ZBTB42: variants seen among roughly 807,000 people sequenced by gnomAD.
ZBTB42 encodes zinc finger and BTB domain-containing protein 42.
Under a neutral mutation model 4.7 loss-of-function variants are expected in ZBTB42, and 3 were observed. The observed-to-expected ratio is 0.64, with a 90% CI of 0.29 to 1.66. The LOEUF is 1.66. Ranked by LOEUF, ZBTB42 falls within the 40% of genes most tolerant of loss-of-function variation. The probability of loss-of-function intolerance (pLI) is 0.10; values close to 1 mark genes in which losing one functional copy is unlikely to be tolerated. For synonymous variants in ZBTB42, 255 were observed against 259.5 expected (o/e 0.98, Z 0.17); for missense variants, 521 against 577.1 (o/e 0.90, Z 1.00).
In ZBTB42 at chr14:104,804,209, A is replaced by C. The variant is rs1418856230; in HGVS notation, c.*1743A>C. 6.0e-6 allele frequency: 1 copy of C among 166,564 alleles called. No homozygotes were observed. The highest frequency in any genetic ancestry group is 1.9e-4 in the East Asian group (1 of 5,162). The allele number at this position is 166,564 out of a possible 1,614,324, so 10.3% of individuals were successfully genotyped here. ...TGCGTCTGGCACATGGCAAGGCCCA[A>C]GCCAACCCGGCACCCCGTAGATGGG... is the stretch of plus-strand genomic sequence containing the variant. On this transcript the variant is annotated 3_prime_UTR_variant, in exon 1 of 1. Transcript: ENST00000342537.
Position 104,802,639 on chromosome 14 carries a change from G to C in ZBTB42, c.*173G>C. The C allele has an allele frequency of 1.0e-6, 1 of 989,702 alleles. No individual in the cohort carries two copies. The highest frequency in any genetic ancestry group is 1.5e-6 in the Non-Finnish European group (1 of 680,756). The allele number at this position is 989,702 out of a possible 1,614,324, so 61.3% of individuals were successfully genotyped here. A position where few individuals can be genotyped will look rare whatever the true frequency, so the allele number is the denominator to read the frequency against. ...CTTCCTGGAACTTGGCCTCAGACTC[G>C]GTAACTTGGGCAGCCTTCCTCCCAC... On this transcript the variant is annotated 3_prime_UTR_variant, in exon 1 of 1. Coordinates refer to ENST00000342537, the MANE Select transcript of ZBTB42 (RefSeq NM_001137601.3). The surrounding 1 kb of genome is among the most constrained non-coding windows in gnomAD (Gnocchi z 5.9).
In ZBTB42 at chr14:104,801,547, G is replaced by A; in HGVS notation, c.350G>A (p.Arg117Lys). 1.9e-6 allele frequency: 3 copies of A among 1,550,174 alleles called. No individual in the cohort carries two copies. Among genetic ancestry groups the A allele is most frequent in the Non-Finnish European group, 2.6e-6 (3 of 1,146,888 alleles). ...GACATCGTCAAGGTCTGCAAGGGCA[G>A]GCTCCAGGAGAAGGATCGAAGTCTG... is the stretch of plus-strand genomic sequence containing the variant. ...MYDIVKVCKG[R>K]LQEKDRSLDP... Residue 117 changes from arginine (R) to lysine (K), a missense_variant, in exon 1 of 1, where the codon AGG (arginine) becomes AAG (lysine). Coordinates refer to ENST00000342537, the MANE Select transcript of ZBTB42 (RefSeq NM_001137601.3). The surrounding 1 kb of genome is among the most constrained non-coding windows in gnomAD (Gnocchi z 4.4).
At position 104,802,619 on chromosome 14, in the gene ZBTB42, T is replaced by C. The variant is rs1894074562; in HGVS notation, c.*153T>C. ...TGGCAGAGAGAATGCTGCCTCTTCC[T>C]GGAACTTGGCCTCAGACTCGGTAAC... On this transcript the variant is annotated 3_prime_UTR_variant, in exon 1 of 1. Coordinates refer to ENST00000342537, the MANE Select transcript of ZBTB42 (RefSeq NM_001137601.3). The surrounding 1 kb of genome is among the most constrained non-coding windows in gnomAD (Gnocchi z 5.9). The C allele has an allele frequency of 8.3e-7, 1 of 1,199,618 alleles. No individual in the cohort carries two copies. The highest frequency in any genetic ancestry group is 1.1e-6 in the Non-Finnish European group (1 of 871,874). 74.3% of individuals were successfully genotyped at this position (1,199,618 alleles called of 1,614,324 possible).
At position 104,801,594 on chromosome 14, in the gene ZBTB42, G is replaced by A. The variant is rs756532898; in HGVS notation, c.397G>A (p.Gly133Arg). The change falls in exon 1 of 1, where the codon GGG (glycine) becomes AGG (arginine). Residue 133 changes from glycine to arginine, a missense_variant. Gly to Arg is a moderately radical substitution (Grantham distance 125, BLOSUM62 -2). Transcript: ENST00000342537. This position sits in a 1 kb window ranked among gnomAD's most constrained non-coding sequence, Gnocchi z 4.4. The part of the protein sequence containing the change: ...RSLDPGNPAP[G>R]AEPAQPPCPW... ...TCTGGACCCGGGGAACCCTGCCCCT[G>A]GGGCAGAACCTGCTCAGCCACCGTG... is the stretch of plus-strand genomic sequence containing the variant. 6.5e-7 allele frequency: 1 copy of A among 1,549,706 alleles called. No homozygotes were observed. Among genetic ancestry groups the A allele is most frequent in the Non-Finnish European group, 8.7e-7 (1 of 1,146,608 alleles).
rs991893866 is a variant in ZBTB42 at position 104,801,146 on chromosome 14, C to G, written c.-52C>G. 14 of 1,382,324 alleles carry G rather than the reference C, an allele frequency of 1.0e-5. No individual in the cohort carries two copies. Among genetic ancestry groups the G allele is most frequent in the African/African-American group, 1.5e-5 (1 of 65,172 alleles). The allele number at this position is 1,382,324 out of a possible 1,614,324, so 85.6% of individuals were successfully genotyped here. A position where few individuals can be genotyped will look rare whatever the true frequency, so the allele number is the denominator to read the frequency against. ...CGGGAAGGGCGCTTCGTGGGCGCCT[C>G]CAGGCGCGCTGACGGGCGTCCCGTT... is the stretch of plus-strand genomic sequence containing the variant. On this transcript the variant is annotated 5_prime_UTR_variant, in exon 1 of 1. Transcript: ENST00000342537. This position sits in a 1 kb window ranked among gnomAD's most constrained non-coding sequence, Gnocchi z 4.4.
chr14:104,802,681 CCTCA>C lies in ZBTB42; in HGVS notation c.*219_*222del. The C allele has an allele frequency of 1.5e-6, 1 of 679,416 alleles. No homozygotes were observed. The highest frequency in any genetic ancestry group is 1.8e-5 in the African/African-American group (1 of 55,140). The allele number at this position is 679,416 out of a possible 1,614,324, so 42.1% of individuals were successfully genotyped here. A position where few individuals can be genotyped will look rare whatever the true frequency, so the allele number is the denominator to read the frequency against. On this transcript the variant is annotated 3_prime_UTR_variant, in exon 1 of 1. Transcript: ENST00000342537. The surrounding 1 kb of genome is among the most constrained non-coding windows in gnomAD (Gnocchi z 5.9). ...TCCTCCCACCTTGCCTCTCCTTTCCCCTCACTCTCCAACTCATTCCGGCCCCCAG... is the reference window on the plus strand; with the variant it reads ...TCCTCCCACCTTGCCTCTCCTTTCCCCTCTCCAACTCATTCCGGCCCCCAG...
In ZBTB42 at chr14:104,801,203, G is replaced by A; in HGVS notation, c.6G>A (p.Glu2=). 7.0e-7 allele frequency: 1 copy of A among 1,421,476 alleles called. No homozygotes were observed. Among genetic ancestry groups the A allele is most frequent in the Middle Eastern group, 1.8e-4 (1 of 5,480 alleles). 88.1% of individuals were successfully genotyped at this position (1,421,476 alleles called of 1,614,324 possible). The part of the protein sequence containing the change: M[E]FPEHGGRLLG... ...CAGGTGATGACGGCGGCGGCATGGAGTTCCCTGAGCACGGCGGACGGCTGC... is the reference window on the plus strand; with the variant it reads ...CAGGTGATGACGGCGGCGGCATGGAATTCCCTGAGCACGGCGGACGGCTGC... The change falls in exon 1 of 1, where the codon GAG becomes GAA. Residue 2 remains glutamate (E), a synonymous_variant. Transcript: ENST00000342537. This position sits in a 1 kb window ranked among gnomAD's most constrained non-coding sequence, Gnocchi z 4.4.
Position 104,804,450 on chromosome 14 carries a change from C to T in ZBTB42, c.*1984C>T, listed in dbSNP as rs1894126227. Reference sequence around the variant, plus strand: ...TGACACAGTTGGGACAAAATATATACGTGTACATATATTTAAGACACTAAT... The same window carrying T: ...TGACACAGTTGGGACAAAATATATATGTGTACATATATTTAAGACACTAAT... On this transcript the variant is annotated 3_prime_UTR_variant, in exon 1 of 1. Transcript: ENST00000342537. The T allele has an allele frequency of 1.2e-5, 2 of 166,872 alleles. No individual in the cohort carries two copies. The highest frequency in any genetic ancestry group is 6.5e-5 in the Admixed American group (1 of 15,292). 10.3% of individuals were successfully genotyped at this position (166,872 alleles called of 1,614,324 possible).
In ZBTB42 at chr14:104,801,639, G is replaced by A; in HGVS notation, c.442G>A (p.Ala148Thr). 1 of 1,550,232 alleles carries A rather than the reference G, an allele frequency of 6.5e-7. No homozygotes were observed. Among genetic ancestry groups the A allele is most frequent in the Non-Finnish European group, 8.7e-7 (1 of 1,146,926 alleles). Residue 148 changes from alanine to threonine, a missense_variant, in exon 1 of 1, where the codon GCG (alanine) becomes ACG (threonine). Coordinates refer to ENST00000342537, the MANE Select transcript of ZBTB42 (RefSeq NM_001137601.3). The surrounding 1 kb of genome is among the most constrained non-coding windows in gnomAD (Gnocchi z 4.4). The stretch of plus-strand genomic sequence containing the variant: ...ACCGTGCCCCTGGCCTGTCTGGACC[G>A]CGGACCTCTGCCCAGCTGCCCGAAA... ...QPPCPWPVWT[A>T]DLCPAARKAK... is the part of the protein sequence containing the mutation.
At position 104,804,147 on chromosome 14, in the gene ZBTB42, G is replaced by GT. The variant is rs376727210; in HGVS notation, c.*1681_*1682insT. 115,680 of 160,876 alleles carry GT rather than the reference G, an allele frequency of 0.72. 42,724 individuals are homozygous for GT. Among genetic ancestry groups the GT allele is most frequent in the Non-Finnish European group, 0.89 (58,739 of 65,786 alleles). 10.0% of individuals were successfully genotyped at this position (160,876 alleles called of 1,614,324 possible). A position where few individuals can be genotyped will look rare whatever the true frequency, so the allele number is the denominator to read the frequency against. On this transcript the variant is annotated 3_prime_UTR_variant, in exon 1 of 1. Transcript: ENST00000342537. ...GTGATGTGCTCCATAATCGGGTGGG[G>GT]GGTGTGTGTGTGTGTGTGTGTGTGT...
At chr14:104,800,676 C>T (rs911071034), upstream of ZBTB42, 1 of 146,048 alleles carries the variant, frequency 6.8e-6, no homozygotes, top group Non-Finnish European at 1.5e-5. This position sits in a 1 kb window ranked among gnomAD's most constrained non-coding sequence, Gnocchi z 5.3. Flanking sequence ...GAGCGGCGAC[C>T]GGAGAGGAGC....
Position 104,802,633 on chromosome 14 carries a change from A to C in ZBTB42, c.*167A>C, listed in dbSNP as rs970304978. The stretch of plus-strand genomic sequence containing the variant: ...CTGCCTCTTCCTGGAACTTGGCCTC[A>C]GACTCGGTAACTTGGGCAGCCTTCC... On this transcript the variant is annotated 3_prime_UTR_variant, in exon 1 of 1. Coordinates refer to ENST00000342537, the MANE Select transcript of ZBTB42 (RefSeq NM_001137601.3). The surrounding 1 kb of genome is among the most constrained non-coding windows in gnomAD (Gnocchi z 5.9). 1.9e-6 allele frequency: 2 copies of C among 1,069,172 alleles called. No individual in the cohort carries two copies. The highest frequency in any genetic ancestry group is 5.8e-5 in the Admixed American group (2 of 34,334). The allele number at this position is 1,069,172 out of a possible 1,614,324, so 66.2% of individuals were successfully genotyped here. A position where few individuals can be genotyped will look rare whatever the true frequency, so the allele number is the denominator to read the frequency against.
At chr14:104,801,034 T>G, upstream of ZBTB42, 1 of 878,956 alleles carries the variant, frequency 1.1e-6, no homozygotes, top group Non-Finnish European at 1.6e-6. This position sits in a 1 kb window ranked among gnomAD's most constrained non-coding sequence, Gnocchi z 4.4. Flanking sequence ...ATCGAGTTTT[T>G]CCTGCTCGGG....
chr14:104,800,603 C>T (rs1595271503), upstream of ZBTB42: 1 of 146,444 alleles, frequency 6.8e-6, no homozygotes, highest in Non-Finnish European at 1.5e-5. The surrounding 1 kb of genome is among the most constrained non-coding windows in gnomAD (Gnocchi z 5.3). Context: ...GCGCCCTCCC[C>T]GCCGGGGCGC....
Position 104,802,031 on chromosome 14 carries a change from A to C in ZBTB42, c.834A>C (p.Ala278=). 6.7e-7 allele frequency: 1 copy of C among 1,496,048 alleles called. No homozygotes were observed. Among genetic ancestry groups the C allele is most frequent in the South Asian group, 1.3e-5 (1 of 78,230 alleles). 92.7% of individuals were successfully genotyped at this position (1,496,048 alleles called of 1,614,324 possible). Residue 278 remains alanine (A), a synonymous_variant, in exon 1 of 1, where the codon GCA becomes GCC. Coordinates refer to ENST00000342537, the MANE Select transcript of ZBTB42 (RefSeq NM_001137601.3). The surrounding 1 kb of genome is among the most constrained non-coding windows in gnomAD (Gnocchi z 5.9). ...GEGSRELELG[A]GRLASEDELG... is the part of the protein sequence containing the mutation. ...GCAGCCGGGAGCTGGAGCTTGGTGCAGGGCGACTGGCGAGTGAGGACGAGC... is the reference window on the plus strand; with the variant it reads ...GCAGCCGGGAGCTGGAGCTTGGTGCCGGGCGACTGGCGAGTGAGGACGAGC...
chr14:104,800,993 C>G, upstream of ZBTB42: 1 of 530,386 alleles, frequency 1.9e-6, no homozygotes, highest in East Asian at 3.5e-5. The surrounding 1 kb of genome is among the most constrained non-coding windows in gnomAD (Gnocchi z 5.3). Context: ...GGGACCCGCC[C>G]CCGCGGCGGA....
rs1346629875 is a variant in ZBTB42 at position 104,801,919 on chromosome 14, G to T, written c.722G>T (p.Ser241Ile). ...CAGGAGGAGAGCAGCAGCTCTAGGA[G>T]CCCCCACAGTCCCCCGAAGCCACCT... The part of the protein sequence containing the change: ...SEQEESSSSR[S>I]PHSPPKPPPV... Residue 241 changes from serine to isoleucine, a missense_variant, in exon 1 of 1, where the codon AGC (serine) becomes ATC (isoleucine). Transcript: ENST00000342537. This position sits in a 1 kb window ranked among gnomAD's most constrained non-coding sequence, Gnocchi z 4.4. 1 of 1,542,774 alleles carries T rather than the reference G, an allele frequency of 6.5e-7. No individual in the cohort carries two copies. Among genetic ancestry groups the T allele is most frequent in the Non-Finnish European group, 8.7e-7 (1 of 1,145,210 alleles).
rs753532152 is a variant in ZBTB42, at chr14:104,801,353, C to G, written c.156C>G (p.Phe52Leu). 8.2e-5 allele frequency: 127 copies of G among 1,548,122 alleles called. No individual in the cohort carries two copies. The highest frequency in any genetic ancestry group is 1.0e-4 in the Non-Finnish European group (120 of 1,145,994). Residue 52 changes from phenylalanine to leucine, a missense_variant, in exon 1 of 1, where the codon TTC becomes TTG. Phe to Leu is a conservative substitution (Grantham distance 22). Transcript: ENST00000342537. This position sits in a 1 kb window ranked among gnomAD's most constrained non-coding sequence, Gnocchi z 4.4. ...LAACSVYFHL[F>L]YRDRPAGSRD... ...CGTGCAGCGTCTACTTCCATCTCTT[C>G]TACAGGGACCGGCCCGCGGGCAGTC...
In ZBTB42 at chr14:104,803,959, C is replaced by T. The variant is rs1595274488; in HGVS notation, c.*1493C>T. ...CGTCCCTAGCGCATCTCCCACGCGC[C>T]CTGGGCTCCTGGTGTGCTGGGTGCC... On this transcript the variant is annotated 3_prime_UTR_variant, in exon 1 of 1. Coordinates refer to ENST00000342537, the MANE Select transcript of ZBTB42 (RefSeq NM_001137601.3). 6.0e-6 allele frequency: 1 copy of T among 166,490 alleles called. No individual in the cohort carries two copies. The highest frequency in any genetic ancestry group is 1.5e-5 in the Non-Finnish European group (1 of 68,108). 10.3% of individuals were successfully genotyped at this position (166,490 alleles called of 1,614,324 possible).
Sources: gnomAD v4.1 joint callset for allele counts on GRCh38, gnomAD v4.1.1 for gene constraint, Gnocchi (gnomAD v3.1) non-coding constraint, MANE v1.5 for transcripts, NCBI Gene and HGNC (gene_info 2026-07-23, HGNC 2026-07-21) for gene names.